TRMT11: variants seen among roughly 807,000 people sequenced by gnomAD.
TRMT11 encodes tRNA methyltransferase 11, also known as tRNA (guanine(10)-N(2))-methyltransferase TRMT11.
TRMT11 carries 53 observed loss-of-function variants against 62.8 expected under a neutral mutation model. The ratio of observed to expected loss-of-function variants is 0.84; its 90% CI spans 0.68 to 1.06. TRMT11 has a LOEUF of 1.06. Among genes scored for constraint, TRMT11 ranks in the 50% least tolerant of loss-of-function variants. TRMT11 has a pLI of 0.00. For missense variants in TRMT11, 556 were observed against 553.4 expected (o/e 1.00, Z -0.05); for synonymous variants, 188 against 190.3 (o/e 0.99, Z 0.10).
At chr6:126,015,430 A>C (rs757742990) in intron 11 of TRMT11, among the ~76,000 whole-genome samples, 2 of 151,770 alleles carry the variant, frequency 1.3e-5, no homozygotes, top group Non-Finnish European at 2.9e-5. Flanking sequence ...GGGTTTTACC[A>C]TGTTAGCCAG....
At chr6:126,265,004 T>C in the TRMT11 span, among the ~76,000 whole-genome samples, 1 of 152,202 alleles carries the variant, frequency 6.6e-6, no homozygotes. Context: ...GTTCTGTTGA[T>C]TTCAGAGCAC....
the TRMT11 span, among the ~76,000 whole-genome samples, chr6:126,243,173 C>T: frequency 1.3e-5 from 2 of 152,162 alleles, no homozygotes; most frequent in Admixed American, 1.3e-4. Context: ...AGCCAAAAGA[C>T]ACATGAAAAA....
chr6:126,031,160 T>G (rs1483351085), intron 12 of TRMT11, among the ~76,000 whole-genome samples: 22 of 152,232 alleles, frequency 1.4e-4, no homozygotes, highest in Non-Finnish European at 1.3e-4. Flanking sequence ...GCTGAGTAAA[T>G]AAGCAGATAC....
intron 21 of TRMT11, among the ~76,000 whole-genome samples, chr6:126,151,379 C>T (rs567658159): frequency 6.6e-6 from 1 of 152,242 alleles, no homozygotes; most frequent in African/African-American, 2.4e-5. Flanking sequence ...AGTTATTTGG[C>T]TTCAATATTT....
the TRMT11 span, among the ~76,000 whole-genome samples, chr6:126,237,698 T>C: frequency 6.6e-6 from 1 of 151,742 alleles, no homozygotes; most frequent in African/African-American, 2.4e-5. Context: ...AATAAATAAA[T>C]AAAAAGTCTC....
intron 12 of TRMT11, among the ~76,000 whole-genome samples, chr6:126,029,715 A>T (rs910076757): frequency 6.6e-6 from 1 of 152,168 alleles, no homozygotes; most frequent in African/African-American, 2.4e-5. Context: ...GTTTTAATGA[A>T]ATATTAGATA....
intron 21 of TRMT11, among the ~76,000 whole-genome samples, chr6:126,133,638 T>A (rs1364451399): frequency 6.6e-6 from 1 of 151,984 alleles, no homozygotes; most frequent in Non-Finnish European, 1.5e-5. Flanking sequence ...ATAGTGGGAT[T>A]TCCCTTCTGT....
the TRMT11 span, among the ~76,000 whole-genome samples, chr6:126,270,527 T>C: frequency 2.6e-5 from 4 of 152,198 alleles, no homozygotes; most frequent in Admixed American, 1.3e-4. Flanking sequence ...ATATGCACTA[T>C]AGATTTTTTA....
At chr6:126,002,235 TTTA>T (rs1792620632) in intron 7 of TRMT11, among the ~76,000 whole-genome samples, 2 of 152,148 alleles carry the variant, frequency 1.3e-5, no homozygotes, top group Non-Finnish European at 2.9e-5. Flanking sequence ...TATACATGTA[TTTA>T]TTCTTATATA....
the TRMT11 span, among the ~76,000 whole-genome samples, chr6:126,240,468 G>C: frequency 6.6e-6 from 1 of 152,170 alleles, no homozygotes; most frequent in Admixed American, 6.5e-5. Flanking sequence ...GTTTGCTGGA[G>C]GTCCACTCCA....
chr6:126,126,112 T>G (rs1405480599), intron 21 of TRMT11, among the ~76,000 whole-genome samples: 7 of 152,096 alleles, frequency 4.6e-5, no homozygotes, highest in Non-Finnish European at 7.4e-5. Context: ...TTGTGTTATT[T>G]GTCTGGCCTT....
At chr6:126,020,165 T>C (rs937490026) in intron 11 of TRMT11, among the ~76,000 whole-genome samples, 2 of 152,190 alleles carry the variant, frequency 1.3e-5, no homozygotes, top group Non-Finnish European at 2.9e-5. Flanking sequence ...TTGTGGTCCT[T>C]TACATGAAAA....
chr6:126,199,987 A>G (rs1038970722), intron 3 of TRMT11: 1 of 152,220 alleles, frequency 6.6e-6, no homozygotes, highest in Non-Finnish European at 1.5e-5. Flanking sequence ...TAACATGTAT[A>G]AGGTGGTTGA....
chr6:126,150,737 A>G lies in TRMT11; in HGVS notation c.*1824-24088A>G, dbSNP rs7742391. Reference sequence around the variant, plus strand: ...ATTAGTGTTTCAGCGGCCATTAAAAATACATTGCATATTGCTCTTCCTGAA... The same window carrying G: ...ATTAGTGTTTCAGCGGCCATTAAAAGTACATTGCATATTGCTCTTCCTGAA... On this transcript the variant is annotated intron_variant and NMD_transcript_variant, in intron 21 of 22. Transcript: ENST00000648977. Among the ~76,000 whole-genome samples the G allele has an allele frequency of 2.3e-3, 352 of 152,334 alleles. 3 individuals are homozygous for G. The highest frequency in any genetic ancestry group is 7.9e-3 in the African/African-American group (329 of 41,586).
intron 12 of TRMT11, among the ~76,000 whole-genome samples, chr6:126,038,438 A>AG (rs1775579074): frequency 1.6e-4 from 1 of 6,326 alleles, no homozygotes; most frequent in Non-Finnish European, 2.0e-4. Flanking sequence ...GCCCTGAGGC[A>AG]AAAAAAAAAA....
intron 21 of TRMT11, among the ~76,000 whole-genome samples, chr6:126,127,660 C>G (rs189873863): frequency 0.011 from 1,507 of 134,830 alleles, 10 homozygotes; most frequent in Non-Finnish European, 0.019. Flanking sequence ...CCCCCTCCCC[C>G]CACCCCACGA....
chr6:126,159,092 TCTC>T (rs145067090), intron 21 of TRMT11, among the ~76,000 whole-genome samples: 1,836 of 152,158 alleles, frequency 0.012, 42 homozygotes, highest in African/African-American at 0.041. Flanking sequence ...ATGTCTGTTT[TCTC>T]CTCCTCTTGG....
chr6:126,246,135 G>T, the TRMT11 span, among the ~76,000 whole-genome samples: 1 of 151,966 alleles, frequency 6.6e-6, no homozygotes. Context: ...AATTAGCCAG[G>T]TGTAGTGATG....
the TRMT11 span, among the ~76,000 whole-genome samples, chr6:126,269,253 G>C: frequency 1.8e-5 from 2 of 113,694 alleles, no homozygotes; most frequent in Non-Finnish European, 3.3e-5. Flanking sequence ...GACAGAGCGA[G>C]ACTCCGTCTC....
Sources: gnomAD v4.1 joint callset for allele counts (sites outside exome capture counted in the v4.1 genomes callset) on GRCh38, gnomAD v4.1.1 for gene constraint, MANE v1.5 for transcripts, NCBI Gene and HGNC (gene_info 2026-07-23, HGNC 2026-07-21) for gene names.